TENM2: variants seen among roughly 807,000 people sequenced by gnomAD.
TENM2 encodes the protein teneurin-2.
TENM2 carries 52 observed loss-of-function variants against 245.2 expected under a neutral mutation model. That is an observed-to-expected ratio of 0.21 (90% CI 0.17 to 0.27). The LOEUF (loss-of-function observed/expected upper bound fraction) is 0.27. Ranked by LOEUF, TENM2 falls within the 10% of genes least tolerant of loss-of-function variation. The pLI, the probability that TENM2 is intolerant of heterozygous loss-of-function variation, is 1.00. For synonymous variants in TENM2, 1,363 were observed against 1,438.9 expected, an observed-to-expected ratio of 0.95 and a Z score of 1.19; for missense variants, 3,046 against 3,666.8, an observed-to-expected ratio of 0.83 and a Z score of 4.37.
intron 1 of TENM2, among the ~76,000 whole-genome samples, chr5:167,305,437 T>C (rs1319999199): frequency 2.6e-5 from 4 of 152,234 alleles, no homozygotes; most frequent in African/African-American, 4.8e-5. Context: ...ACACATGCTA[T>C]AGTTTCAGCC....
chr5:168,108,858 C>T (rs7712718), intron 9 of TENM2, among the ~76,000 whole-genome samples: 46,936 of 151,424 alleles, frequency 0.31, 7,696 homozygotes, highest in East Asian at 0.61. Flanking sequence ...CTCTGCACCG[C>T]GGAGAACAAT....
intron 25 of TENM2, among the ~76,000 whole-genome samples, chr5:168,242,347 AG>A: frequency 1.3e-5 from 2 of 152,288 alleles, no homozygotes. Flanking sequence ...GGAGCGTTCA[AG>A]GGCTGTGAAA....
At chr5:167,136,477 C>G in the TENM2 span, among the ~76,000 whole-genome samples, 1 of 152,206 alleles carries the variant, frequency 6.6e-6, no homozygotes, top group Admixed American at 6.5e-5. Flanking sequence ...TTGAGAAACT[C>G]TCAAAGCTGT....
chr5:167,092,617 A>G, the TENM2 span, among the ~76,000 whole-genome samples: 1 of 152,136 alleles, frequency 6.6e-6, no homozygotes, highest in African/African-American at 2.4e-5. Flanking sequence ...TACTCTTATT[A>G]TCCCCATTTA....
chr5:167,905,018 G>A (rs1318139758), intron 3 of TENM2, among the ~76,000 whole-genome samples: 1 of 152,112 alleles, frequency 6.6e-6, no homozygotes, highest in Non-Finnish European at 1.5e-5. Flanking sequence ...ATATATTTCA[G>A]GATATGGTTA....
At chr5:167,994,048 C>A (rs1267552516) in intron 5 of TENM2, among the ~76,000 whole-genome samples, 2 of 152,350 alleles carry the variant, frequency 1.3e-5, no homozygotes, top group South Asian at 2.1e-4. Context: ...AACAAAGAGC[C>A]CCAAGGCTGC....
the TENM2 span, among the ~76,000 whole-genome samples, chr5:167,270,572 C>T: frequency 3.9e-5 from 6 of 152,018 alleles, no homozygotes; most frequent in African/African-American, 9.7e-5. Flanking sequence ...TAGAGGCACT[C>T]GAATATACTG....
At chr5:167,880,863 A>G (rs1221661763) in intron 3 of TENM2, among the ~76,000 whole-genome samples, 1 of 152,188 alleles carries the variant, frequency 6.6e-6, no homozygotes, top group Non-Finnish European at 1.5e-5. Flanking sequence ...TAGACCTCAA[A>G]TGTCATTGCT....
intron 1 of TENM2, among the ~76,000 whole-genome samples, chr5:167,295,451 A>G (rs181729081): frequency 1.6e-4 from 24 of 152,276 alleles, no homozygotes; most frequent in Non-Finnish European, 3.2e-4. Flanking sequence ...TGCATATGTG[A>G]TCTGTGCAGG....
At chr5:167,732,555 G>A (rs1476627513) in intron 2 of TENM2, among the ~76,000 whole-genome samples, 1 of 152,074 alleles carries the variant, frequency 6.6e-6, no homozygotes, top group Non-Finnish European at 1.5e-5. Flanking sequence ...TTTTTGAATT[G>A]CAGTGGAGCT....
intron 1 of TENM2, among the ~76,000 whole-genome samples, chr5:167,285,510 AT>A (rs1417618684): frequency 6.6e-6 from 1 of 152,124 alleles, no homozygotes. Flanking sequence ...CACTGATGTA[AT>A]TATCCCTCCT....
intron 13 of TENM2, chr5:168,187,205 C>T (rs1265564411): frequency 6.6e-6 from 1 of 152,154 alleles, no homozygotes. Flanking sequence ...CAGACAGGCC[C>T]TTGAATCAAA....
chr5:167,216,207 C>A, the TENM2 span, among the ~76,000 whole-genome samples: 1 of 152,206 alleles, frequency 6.6e-6, no homozygotes, highest in East Asian at 1.9e-4. Flanking sequence ...CCCATTAGAA[C>A]TCCACCCAGG....
rs556150620 is a variant in TENM2, at chr5:167,977,149, A to G, written c.948-15795A>G. On this transcript the variant is annotated intron_variant, in intron 4 of 28. Coordinates refer to ENST00000518659, the Ensembl canonical transcript of TENM2. ...AACACATGGACACAAAAAGGGAAGC[A>G]ACAGACACTGGGTCCTACTTGAGGG... 7.6e-4 allele frequency among the ~76,000 whole-genome samples: 115 copies of G among 152,282 alleles called. 1 individual carries two copies. The highest frequency in any genetic ancestry group is 2.6e-3 in the African/African-American group (107 of 41,558).
chr5:167,716,010 A>C (rs1235640625), intron 2 of TENM2, among the ~76,000 whole-genome samples: 1 of 152,156 alleles, frequency 6.6e-6, no homozygotes, highest in African/African-American at 2.4e-5. Flanking sequence ...AAAGTGGTGG[A>C]GTTTGGAGTG....
chr5:168,136,566 C>T (rs1755069215), intron 12 of TENM2, among the ~76,000 whole-genome samples: 1 of 152,180 alleles, frequency 6.6e-6, no homozygotes, highest in South Asian at 2.1e-4. Context: ...CACCACACTC[C>T]CCAGCTTTAT....
rs1582821191 is a variant in TENM2 at position 167,713,984 on chromosome 5, G to A, written c.503-162002G>A. ...GACCATTGAACAGTCCTGTGTGCCA[G>A]CTATGGAAGTTTTCATAACCTGCCT... On this transcript the variant is annotated intron_variant, in intron 2 of 28. Transcript: ENST00000518659. Among the ~76,000 whole-genome samples, 3 of 152,286 alleles carry A rather than the reference G, an allele frequency of 2.0e-5. No homozygotes were observed. In the South Asian group the frequency reaches 6.2e-4, roughly 32 times the overall value.
At chr5:167,482,570 G>A (rs1295471601) in intron 2 of TENM2, among the ~76,000 whole-genome samples, 6 of 151,986 alleles carry the variant, frequency 3.9e-5, no homozygotes, top group Admixed American at 1.3e-4. Context: ...TGGATAACAC[G>A]CCCTAATTTT....
intron 25 of TENM2, among the ~76,000 whole-genome samples, chr5:168,237,449 C>T (rs1389176897): frequency 1.3e-5 from 2 of 152,002 alleles, no homozygotes; most frequent in African/African-American, 2.4e-5. Flanking sequence ...CTTTCCAAAA[C>T]AAAATAGAGA....
Sources: allele counts gnomAD v4.1 joint callset (sites outside exome capture counted in the v4.1 genomes callset), GRCh38; gene constraint gnomAD v4.1.1; transcripts MANE v1.5; gene names NCBI Gene and HGNC (gene_info 2026-07-23, HGNC 2026-07-21).